CBLB: variants seen among roughly 807,000 people sequenced by gnomAD.
CBLB encodes E3 ubiquitin-protein ligase CBL-B.
Under a neutral mutation model 104.9 loss-of-function variants are expected in CBLB, and 31 were observed. That is an observed-to-expected ratio of 0.30 (90% CI 0.22 to 0.40). The LOEUF is 0.40. Ranked by LOEUF, CBLB falls within the 10% of genes least tolerant of loss-of-function variation. The pLI is 1.00. For missense variants in CBLB, 1,062 were observed against 1,214.6 expected (o/e 0.87, Z 1.87); for synonymous variants, 440 against 422.6 (o/e 1.04, Z -0.51).
chr3:105,702,361 T>G lies in CBLB; in HGVS notation c.1692A>C (p.Pro564=). Residue 564 remains proline, a synonymous_variant, in exon 12 of 19, where the codon CCA becomes CCC. Coordinates refer to ENST00000394030, the MANE Select transcript of CBLB (RefSeq NM_170662.5). ...PPPPPPERPP[P]IPPDNRLSRH... ...TACTCAGTCTATTGTCTGGTGGGAT[T>G]GGTGGAGGTCTTTCAGGTGGCGGTG... 1 of 1,612,678 alleles carries G rather than the reference T, an allele frequency of 6.2e-7. No individual in the cohort carries two copies.
intron 3 of CBLB, among the ~76,000 whole-genome samples, chr3:105,790,461 T>C (rs547456946): frequency 6.6e-6 from 1 of 152,366 alleles, no homozygotes; most frequent in South Asian, 2.1e-4. Flanking sequence ...AATCAACATA[T>C]ATGGAGTTCC....
Position 105,868,718 on chromosome 3 carries a change from G to A in CBLB, c.-15+18C>T. 3 of 995,374 alleles carry A rather than the reference G, an allele frequency of 3.0e-6. No homozygotes were observed. Among genetic ancestry groups the A allele is most frequent in the Non-Finnish European group, 3.6e-6 (3 of 835,708 alleles). The allele number at this position is 995,374 out of a possible 1,614,324, so 61.7% of individuals were successfully genotyped here. On this transcript the variant is annotated intron_variant, in intron 1 of 18. Coordinates refer to ENST00000394030, the MANE Select transcript of CBLB (RefSeq NM_170662.5). ...GCAAGAAGTGTGGAGCCTCCCCGGC[G>A]ACCCCTTCCCTTCTTGCCTTTCGGC... is the stretch of plus-strand genomic sequence containing the variant.
intron 2 of CBLB, among the ~76,000 whole-genome samples, chr3:105,859,278 G>A (rs1230276134): frequency 6.6e-6 from 1 of 152,038 alleles, no homozygotes; most frequent in Non-Finnish European, 1.5e-5. Flanking sequence ...TATAAAACAC[G>A]CCTCACTTCA....
chr3:105,752,232 T>C (rs1168311515), intron 4 of CBLB, among the ~76,000 whole-genome samples: 1 of 152,240 alleles, frequency 6.6e-6, no homozygotes, highest in African/African-American at 2.4e-5. Context: ...GTTTATTCAA[T>C]ATTTATTACT....
chr3:105,825,020 T>C (rs2086388205), intron 3 of CBLB, among the ~76,000 whole-genome samples: 1 of 152,166 alleles, frequency 6.6e-6, no homozygotes. Context: ...TTATTCCTCT[T>C]TATAGGATTT....
At chr3:105,853,372 T>C in intron 3 of CBLB, 42 bp downstream of exon 3, 1 of 1,606,940 alleles carries the variant, frequency 6.2e-7, no homozygotes, top group Non-Finnish European at 8.5e-7. Context: ...AAAAGCAACA[T>C]AAATGACCTT....
In CBLB at chr3:105,681,629, C is replaced by G. The variant is rs1455615592; in HGVS notation, c.2297-19G>C. Reference sequence around the variant, plus strand: ...ACATCTCCTAGAGGATAACACAAAACCTTAATGTATTTTCAGTACAATGGC... The same window carrying G: ...ACATCTCCTAGAGGATAACACAAAAGCTTAATGTATTTTCAGTACAATGGC... On this transcript the variant is annotated intron_variant, in intron 15 of 18. Transcript: ENST00000394030. 6.2e-7 allele frequency: 1 copy of G among 1,613,916 alleles called. No homozygotes were observed. Among genetic ancestry groups the G allele is most frequent in the African/African-American group, 1.3e-5 (1 of 74,908 alleles).
intron 11 of CBLB, among the ~76,000 whole-genome samples, chr3:105,703,738 C>T (rs530422098): frequency 6.6e-6 from 1 of 152,118 alleles, no homozygotes; most frequent in East Asian, 1.9e-4. Flanking sequence ...AATAACTATA[C>T]TTACTCTGCT....
chr3:105,671,452 A>G lies in CBLB; in HGVS notation c.2570-1100T>C, dbSNP rs2065051248. The G allele has an allele frequency of 1.4e-5, 3 of 215,914 alleles. 1 individual carries two copies. Among genetic ancestry groups the G allele is most frequent in the Non-Finnish European group, 2.8e-5 (3 of 107,152 alleles). The allele number at this position is 215,914 out of a possible 1,614,324, so 13.4% of individuals were successfully genotyped here. ...TCTTGGCAAATAGCTTGCACTTAAT[A>G]TTTACTTTTAACTACCACAAATAAA... On this transcript the variant is annotated intron_variant, in intron 17 of 18. Transcript: ENST00000394030.
At chr3:105,865,878 C>CAA (rs1428327668) in intron 2 of CBLB, among the ~76,000 whole-genome samples, 1 of 152,078 alleles carries the variant, frequency 6.6e-6, no homozygotes, top group Non-Finnish European at 1.5e-5. Context: ...TCTCTTACCC[C>CAA]AACTAATGAT....
chr3:105,780,161 A>C (rs2152972671), intron 3 of CBLB, among the ~76,000 whole-genome samples: 1 of 151,798 alleles, frequency 6.6e-6, no homozygotes, highest in South Asian at 2.1e-4. Context: ...CCTAATACCC[A>C]TTTAAAAAAA....
At chr3:105,840,522 T>C (rs547680040) in intron 3 of CBLB, among the ~76,000 whole-genome samples, 6 of 152,174 alleles carry the variant, frequency 3.9e-5, no homozygotes, top group Non-Finnish European at 8.8e-5. Context: ...CGAAACAAAG[T>C]TGAAAAAGGC....
At chr3:105,733,175 G>A (rs758925633) in intron 9 of CBLB, among the ~76,000 whole-genome samples, 1 of 152,026 alleles carries the variant, frequency 6.6e-6, no homozygotes, top group East Asian at 1.9e-4. Context: ...GGCTAACATG[G>A]TGAAACCCCG....
chr3:105,795,115 T>C (rs1036648239), intron 3 of CBLB, among the ~76,000 whole-genome samples: 4 of 152,204 alleles, frequency 2.6e-5, no homozygotes, highest in Non-Finnish European at 5.9e-5. Context: ...GGTTTCACCA[T>C]GTTGGCCAGG....
intron 4 of CBLB, among the ~76,000 whole-genome samples, chr3:105,774,197 T>C (rs1406045225): frequency 6.6e-6 from 1 of 152,118 alleles, no homozygotes; most frequent in African/African-American, 2.4e-5. Context: ...ATGGCCTCAA[T>C]GAACAGTGAG....
At chr3:105,867,357 AC>A in intron 2 of CBLB, 52 bp downstream of exon 2, 1 of 1,503,646 alleles carries the variant, frequency 6.7e-7, no homozygotes. Flanking sequence ...ATCTGGAGAA[AC>A]CACAGACAAA....
At chr3:105,777,798 G>A (rs1031842610) in intron 3 of CBLB, among the ~76,000 whole-genome samples, 1 of 152,110 alleles carries the variant, frequency 6.6e-6, no homozygotes, top group African/African-American at 2.4e-5. Context: ...GTTAAGTTCT[G>A]GGGATTCTGA....
At chr3:105,850,184 A>C (rs901296015) in intron 3 of CBLB, among the ~76,000 whole-genome samples, 1 of 152,148 alleles carries the variant, frequency 6.6e-6, no homozygotes, top group African/African-American at 2.4e-5. Flanking sequence ...GTTTGGGTTC[A>C]TCTCTAATTG....
At chr3:105,728,759 T>A (rs1559986152) in intron 9 of CBLB, among the ~76,000 whole-genome samples, 1 of 152,162 alleles carries the variant, frequency 6.6e-6, no homozygotes, top group Non-Finnish European at 1.5e-5. Flanking sequence ...CTCTGCTTGC[T>A]TATTCAATTT....
Sources: allele counts gnomAD v4.1 joint callset (sites outside exome capture counted in the v4.1 genomes callset), GRCh38; gene constraint gnomAD v4.1.1; transcripts MANE v1.5; gene names NCBI Gene and HGNC (gene_info 2026-07-23, HGNC 2026-07-21).